PARD3B: variants seen among roughly 807,000 people sequenced by gnomAD.
The protein encoded by PARD3B is par-3 family cell polarity regulator beta.
PARD3B carries 103 observed loss-of-function variants against 130.2 expected under a neutral mutation model. That is an observed-to-expected ratio of 0.79 (90% confidence interval 0.67 to 0.93). The LOEUF is 0.93. PARD3B is among the 40% of genes least tolerant of loss of function. The pLI is 0.00. For missense variants in PARD3B, 1,609 were observed against 1,499.2 expected, an observed-to-expected ratio of 1.07 and a Z score of -1.21; for synonymous variants, 583 against 553.2, an observed-to-expected ratio of 1.05 and a Z score of -0.76.
chr2:205,388,576 A>C (rs2045742958), intron 18 of PARD3B, among the ~76,000 whole-genome samples: 1 of 152,242 alleles, frequency 6.6e-6, no homozygotes, highest in East Asian at 1.9e-4. Flanking sequence ...TGATTAGAAA[A>C]CCCTGTTAGA....
At chr2:205,097,623 G>C (rs1702478468) in intron 4 of PARD3B, among the ~76,000 whole-genome samples, 1 of 152,166 alleles carries the variant, frequency 6.6e-6, no homozygotes, top group Admixed American at 6.5e-5. Flanking sequence ...TACTGCAGTA[G>C]AACTTCAAGC....
At chr2:205,337,849 C>G (rs1051929103) in intron 18 of PARD3B, among the ~76,000 whole-genome samples, 1 of 151,856 alleles carries the variant, frequency 6.6e-6, no homozygotes, top group African/African-American at 2.4e-5. Context: ...CTACTTTTTT[C>G]TTCAAATAAC....
intron 2 of PARD3B, among the ~76,000 whole-genome samples, chr2:204,824,373 C>T (rs966113383): frequency 7.9e-5 from 12 of 152,246 alleles, no homozygotes; most frequent in South Asian, 2.1e-4. Flanking sequence ...ACTAAGGTAG[C>T]CCTTTCTCCA....
intron 2 of PARD3B, among the ~76,000 whole-genome samples, chr2:204,710,946 T>C (rs1280595052): frequency 6.6e-6 from 1 of 152,188 alleles, no homozygotes; most frequent in African/African-American, 2.4e-5. Flanking sequence ...CTAATAGTGA[T>C]ATTGATGATG....
chr2:204,591,326 A>G (rs1234572255), intron 1 of PARD3B, among the ~76,000 whole-genome samples: 1 of 152,210 alleles, frequency 6.6e-6, no homozygotes, highest in African/African-American at 2.4e-5. Flanking sequence ...ATGGATTTGA[A>G]ATGAGCATCT....
chr2:205,457,236 G>A (rs562208124), intron 20 of PARD3B, among the ~76,000 whole-genome samples: 1 of 151,876 alleles, frequency 6.6e-6, no homozygotes, highest in East Asian at 1.9e-4. Flanking sequence ...TCTAGGAGTT[G>A]GTCCATTTTA....
At chr2:205,420,051 C>A (rs1574974946) in intron 19 of PARD3B, among the ~76,000 whole-genome samples, 2 of 152,186 alleles carry the variant, frequency 1.3e-5, no homozygotes, top group East Asian at 3.9e-4. Flanking sequence ...ATTCAATTAA[C>A]CGTAACACAC....
intron 13 of PARD3B, among the ~76,000 whole-genome samples, chr2:205,180,179 G>A (rs2035709045): frequency 6.7e-6 from 1 of 149,522 alleles, no homozygotes; most frequent in Admixed American, 6.7e-5. Flanking sequence ...TATTTTCTTT[G>A]TGGATCTGTG....
intron 1 of PARD3B, among the ~76,000 whole-genome samples, chr2:204,600,348 G>A (rs1057206299): frequency 1.3e-5 from 2 of 151,786 alleles, no homozygotes; most frequent in South Asian, 4.1e-4. Flanking sequence ...GTTGATTTTT[G>A]TATAGAGAGA....
chr2:205,014,048 A>G (rs1165020687), intron 3 of PARD3B, among the ~76,000 whole-genome samples: 1 of 152,202 alleles, frequency 6.6e-6, no homozygotes, highest in Non-Finnish European at 1.5e-5. Context: ...TTGCCTTGCT[A>G]ACCAGCTTTA....
intron 13 of PARD3B, among the ~76,000 whole-genome samples, chr2:205,185,284 T>G (rs1217007093): frequency 1.3e-5 from 2 of 149,350 alleles, no homozygotes; most frequent in African/African-American, 5.0e-5. Flanking sequence ...GTGTGTGTGT[T>G]TATCTCCACT....
At chr2:205,259,730 CT>C (rs1040838725) in intron 16 of PARD3B, among the ~76,000 whole-genome samples, 1 of 151,926 alleles carries the variant, frequency 6.6e-6, no homozygotes, top group Non-Finnish European at 1.5e-5. Context: ...GTGTTAAATC[CT>C]TTTTGATATT....
intron 1 of PARD3B, among the ~76,000 whole-genome samples, chr2:204,619,702 G>A (rs1055256814): frequency 6.6e-5 from 10 of 152,144 alleles, no homozygotes; most frequent in African/African-American, 2.2e-4. Flanking sequence ...CACACCAGGC[G>A]TGCCCTACAC....
At chr2:205,529,761 A>T (rs1351467816) in intron 21 of PARD3B, among the ~76,000 whole-genome samples, 2 of 152,178 alleles carry the variant, frequency 1.3e-5, no homozygotes, top group African/African-American at 4.8e-5. Flanking sequence ...TATGGATGTA[A>T]TATCTACTTA....
At chr2:205,500,347 T>C (rs2050114313) in intron 21 of PARD3B, among the ~76,000 whole-genome samples, 1 of 152,176 alleles carries the variant, frequency 6.6e-6, no homozygotes, top group Non-Finnish European at 1.5e-5. Context: ...TGAGCTTTGA[T>C]TCTTGCAACA....
At chr2:205,345,356 T>G (rs1395464702) in intron 18 of PARD3B, among the ~76,000 whole-genome samples, 3 of 152,214 alleles carry the variant, frequency 2.0e-5, no homozygotes, top group Admixed American at 6.5e-5. Flanking sequence ...TGTCCCTGTG[T>G]CTTCAGAAAA....
chr2:205,162,187 TA>T (rs1196858720), intron 11 of PARD3B, among the ~76,000 whole-genome samples: 1 of 152,234 alleles, frequency 6.6e-6, no homozygotes, highest in Non-Finnish European at 1.5e-5. Flanking sequence ...TGACTCATTC[TA>T]AAAACCAACA....
chr2:204,946,971 G>A (rs1689378071), intron 2 of PARD3B, among the ~76,000 whole-genome samples: 1 of 152,200 alleles, frequency 6.6e-6, no homozygotes, highest in Non-Finnish European at 1.5e-5. Context: ...TTCTTACTCA[G>A]TCTTTTTATT....
chr2:205,536,124 G>A (rs539913491), intron 21 of PARD3B, among the ~76,000 whole-genome samples: 10 of 152,280 alleles, frequency 6.6e-5, no homozygotes, highest in African/African-American at 2.2e-4. Context: ...ATGGCAGGGA[G>A]TGGGGTCCTT....
Sources: allele counts gnomAD v4.1 joint callset (sites outside exome capture counted in the v4.1 genomes callset), GRCh38; gene constraint gnomAD v4.1.1; transcripts MANE v1.5; gene names NCBI Gene and HGNC (gene_info 2026-07-23, HGNC 2026-07-21).